CCDC102B: variants seen among roughly 807,000 people sequenced by gnomAD.
CCDC102B encodes the protein coiled-coil domain-containing protein 102B.
CCDC102B carries 75 observed loss-of-function variants against 57.4 expected under a neutral mutation model. The ratio of observed to expected loss-of-function variants is 1.31; its 90% CI spans 1.08 to 1.58. The LOEUF is 1.58. Among genes scored for constraint, CCDC102B ranks in the 40% most tolerant of loss-of-function variants. The pLI, the probability that CCDC102B is intolerant of heterozygous loss-of-function variation, is 0.00. For synonymous variants in CCDC102B, 206 were observed against 201.9 expected (o/e 1.02, Z -0.17); for missense variants, 636 against 582.6 (o/e 1.09, Z -0.94).
rs888499307 is a variant in CCDC102B at position 68,791,181 on chromosome 18, G to A, written c.-66-32185G>A. 3.9e-5 allele frequency among the ~76,000 whole-genome samples: 6 copies of A among 152,096 alleles called. No individual in the cohort carries two copies. The South Asian group carries it at 1.0e-3, about 26-fold the overall frequency. On this transcript the variant is annotated intron_variant, in intron 2 of 3. Coordinates refer to the CCDC102B transcript ENST00000578970. ...TCTTGAAAGAGATTATTTAGCAAGG[G>A]CTGCCCAAATAGTTCGAGTTTACAG...
chr18:68,835,427 A>G (rs1225417965), intron 1 of CCDC102B, among the ~76,000 whole-genome samples: 1 of 152,206 alleles, frequency 6.6e-6, no homozygotes, highest in Non-Finnish European at 1.5e-5. Flanking sequence ...CATATTTGTT[A>G]TAATGTGAAT....
chr18:68,905,918 C>T (rs1175784176), intron 6 of CCDC102B, among the ~76,000 whole-genome samples: 1 of 150,134 alleles, frequency 6.7e-6, no homozygotes, highest in Non-Finnish European at 1.5e-5. Context: ...CTCAGCCTCC[C>T]AGGTAGCTGG....
intron 6 of CCDC102B, among the ~76,000 whole-genome samples, chr18:68,926,018 AG>A (rs2041464288): frequency 1.1e-4 from 16 of 152,010 alleles, no homozygotes; most frequent in Admixed American, 1.1e-3. Context: ...TTTCTCCACC[AG>A]GGATAATAAA....
At chr18:68,970,219 CTTCT>C (rs2050266062) in intron 6 of CCDC102B, among the ~76,000 whole-genome samples, 1 of 151,998 alleles carries the variant, frequency 6.6e-6, no homozygotes, top group African/African-American at 2.4e-5. Context: ...TTAAAGCACA[CTTCT>C]TTATCTTTCA....
At chr18:68,733,492 ATATATATATATATATT>A (rs969995240) in intron 2 of CCDC102B, among the ~76,000 whole-genome samples, 5 of 88,608 alleles carry the variant, frequency 5.6e-5, no homozygotes, top group African/African-American at 2.0e-4. Context: ...ATATATATAT[ATATATATATATATATT>A]TTTTTAACTT....
At chr18:68,855,263 G>A in intron 4 of CCDC102B, among the ~76,000 whole-genome samples, 1 of 152,136 alleles carries the variant, frequency 6.6e-6, no homozygotes, top group East Asian at 1.9e-4. Flanking sequence ...AGAGGTGAGA[G>A]AGTAGGGTTT....
intron 4 of CCDC102B, chr18:68,866,447 T>C (rs544292144): frequency 6.5e-6 from 1 of 152,948 alleles, no homozygotes; most frequent in East Asian, 1.9e-4. Flanking sequence ...TCATTGCTTA[T>C]AGTAAAGTGT....
intron 6 of CCDC102B, among the ~76,000 whole-genome samples, chr18:69,010,251 A>T (rs1016427946): frequency 2.0e-5 from 3 of 151,128 alleles, no homozygotes; most frequent in South Asian, 2.1e-4. Context: ...CCCAATAAAG[A>T]CGTTTTCTAT....
At chr18:69,043,560 G>C (rs927804079) in intron 7 of CCDC102B, among the ~76,000 whole-genome samples, 1 of 152,076 alleles carries the variant, frequency 6.6e-6, no homozygotes, top group Non-Finnish European at 1.5e-5. Context: ...TGAGATTAGG[G>C]AGTGGTGATG....
At chr18:68,853,727 A>G (rs1189179951) in intron 4 of CCDC102B, among the ~76,000 whole-genome samples, 1 of 141,404 alleles carries the variant, frequency 7.1e-6, no homozygotes, top group African/African-American at 2.6e-5. Context: ...ACCTTTATAT[A>G]TGGTCCTCTG....
rs139679565 is a variant in CCDC102B at position 68,855,180 on chromosome 18, G to A, written c.936+8759G>A. Reference sequence around the variant, plus strand: ...CATGTTCAAGCCCCATTGCAAGATTGATACACAGAGTTTGAGGTTAGGAAA... The same window carrying A: ...CATGTTCAAGCCCCATTGCAAGATTAATACACAGAGTTTGAGGTTAGGAAA... On this transcript the variant is annotated intron_variant, in intron 4 of 7. Coordinates refer to ENST00000360242, the MANE Select transcript of CCDC102B (RefSeq NM_024781.3). Among the ~76,000 whole-genome samples the A allele has an allele frequency of 3.4e-3, 515 of 152,278 alleles. 4 individuals carry two copies. Among genetic ancestry groups the A allele is most frequent in the African/African-American group, 0.011 (463 of 41,556 alleles).
intron 6 of CCDC102B, among the ~76,000 whole-genome samples, chr18:68,979,843 G>T (rs1251153698): frequency 6.6e-6 from 1 of 151,940 alleles, no homozygotes; most frequent in African/African-American, 2.4e-5. Flanking sequence ...TGGCTAAAAG[G>T]CCTAAAAAGT....
At chr18:68,837,820 G>GTATC (rs1391523262) in intron 2 of CCDC102B, among the ~76,000 whole-genome samples, 1 of 152,126 alleles carries the variant, frequency 6.6e-6, no homozygotes, top group South Asian at 2.1e-4. Context: ...ATATGTATAT[G>GTATC]TATCCTTCGT....
At chr18:68,855,150 C>T (rs1294092367) in intron 4 of CCDC102B, among the ~76,000 whole-genome samples, 1 of 152,128 alleles carries the variant, frequency 6.6e-6, no homozygotes, top group Non-Finnish European at 1.5e-5. Context: ...AAGTAAGCAG[C>T]ATCACATGTT....
intron 7 of CCDC102B, among the ~76,000 whole-genome samples, chr18:69,018,112 A>G (rs1361261101): frequency 6.6e-6 from 1 of 152,154 alleles, no homozygotes; most frequent in African/African-American, 2.4e-5. Flanking sequence ...CATTTATCCA[A>G]CAATGGACAC....
chr18:69,005,178 A>G (rs2051308392), intron 6 of CCDC102B, among the ~76,000 whole-genome samples: 1 of 152,142 alleles, frequency 6.6e-6, no homozygotes, highest in Non-Finnish European at 1.5e-5. Context: ...TGTGATAACA[A>G]TCCAATGTAT....
chr18:68,834,432 C>CATATATATATATATATATAT lies in CCDC102B; in HGVS notation c.-15-2314_-15-2295dup, dbSNP rs67872866. ...ATATATGTAGTTGTATATGTAAATA[C>CATATATATATATATATATAT]ATATATATATATATATATATATTTG... is the stretch of plus-strand genomic sequence containing the variant. On this transcript the variant is annotated intron_variant, in intron 1 of 7. Transcript: ENST00000360242. 4.0e-3 allele frequency among the ~76,000 whole-genome samples: 545 copies of CATATATATATATATATATAT among 137,502 alleles called. 2 individuals are homozygous for CATATATATATATATATATAT. The highest frequency in any genetic ancestry group is 9.8e-3 in the African/African-American group (362 of 36,882). 90.2% of individuals were successfully genotyped at this position (137,502 alleles called of 152,430 possible). A position where few individuals can be genotyped will look rare whatever the true frequency, so the allele number is the denominator to read the frequency against.
chr18:68,755,455 C>T (rs1417257658), intron 2 of CCDC102B, among the ~76,000 whole-genome samples: 1 of 151,988 alleles, frequency 6.6e-6, no homozygotes, highest in African/African-American at 2.4e-5. Context: ...AAGATAATCC[C>T]CATTTCTCTA....
At chr18:68,808,773 C>A (rs576231313) in intron 1 of CCDC102B, among the ~76,000 whole-genome samples, 1 of 152,132 alleles carries the variant, frequency 6.6e-6, no homozygotes, top group Non-Finnish European at 1.5e-5. Flanking sequence ...CCACAGCGCC[C>A]GGCTTACTAC....
Sources: allele counts gnomAD v4.1 joint callset (sites outside exome capture counted in the v4.1 genomes callset), GRCh38; gene constraint gnomAD v4.1.1; transcripts MANE v1.5; gene names NCBI Gene and HGNC (gene_info 2026-07-23, HGNC 2026-07-21).